The following CCNE1 variants were observed in gnomAD, a reference collection of about 807,000 sequenced individuals.
CCNE1 encodes cyclin E1.
Under a neutral mutation model 54.1 loss-of-function variants are expected in CCNE1, and 8 were observed. The observed-to-expected ratio is 0.15, with a 90% CI of 0.09 to 0.27. The LOEUF is 0.27. Among genes scored for constraint, CCNE1 ranks in the 10% least tolerant of loss-of-function variants. The pLI is 1.00. For synonymous variants in CCNE1, 179 were observed against 185.2 expected, an observed-to-expected ratio of 0.97 and a Z score of 0.27; for missense variants, 430 against 514.9, an observed-to-expected ratio of 0.84 and a Z score of 1.60.
chr19:29,823,716 G>A lies in CCNE1; in HGVS notation c.1172G>A (p.Ser391Asn), dbSNP rs184647504. The change falls in exon 12 of 12, where the codon AGT (serine) becomes AAT (asparagine). Residue 391 changes from serine (S) to asparagine (N), a missense_variant. Ser to Asn is a conservative substitution (Grantham distance 46). Around this residue, in one of 2 missense-constraint regions of CCNE1, gnomAD observed 303 missense variants for 401.1 expected, o/e 0.76. Coordinates refer to ENST00000262643, the MANE Select transcript of CCNE1 (RefSeq NM_001238.4). The stretch of plus-strand genomic sequence containing the variant: ...CAAAATAGGGCTTCTCCTCTCCCCA[G>A]TGGGCTCCTCACCCCGCCACAGAGC... Reference protein sequence around the residue: ...SEQNRASPLPSGLLTPPQSGK... With the variant: ...SEQNRASPLPNGLLTPPQSGK... 1.2e-6 allele frequency: 2 copies of A among 1,614,146 alleles called. No homozygotes were observed. The highest frequency in any genetic ancestry group is 1.7e-6 in the Non-Finnish European group (2 of 1,179,990).
chr19:29,816,885 A>T (rs2145721185), intron 4 of CCNE1, among the ~76,000 whole-genome samples: 1 of 132,320 alleles, frequency 7.6e-6, no homozygotes, highest in South Asian at 2.3e-4. Flanking sequence ...ATACTAATGA[A>T]TGTGAAGTGC....
In CCNE1 at chr19:29,813,010, G is replaced by A. The variant is rs541917576; in HGVS notation, c.153G>A (p.Arg51=). 6.2e-7 allele frequency: 1 copy of A among 1,614,198 alleles called. No individual in the cohort carries two copies. The highest frequency in any genetic ancestry group is 1.3e-5 in the African/African-American group (1 of 75,054). ...DPDEEMAKID[R]TARDQCGSQP... ...ATGAAGAAATGGCCAAAATCGACAGGACGGCGAGGGACCAGTGTGGGAGCC... is the reference window on the plus strand; with the variant it reads ...ATGAAGAAATGGCCAAAATCGACAGAACGGCGAGGGACCAGTGTGGGAGCC... The change falls in exon 4 of 12, where the codon AGG becomes AGA. Residue 51 remains arginine (R), a synonymous_variant. Coordinates refer to ENST00000262643, the MANE Select transcript of CCNE1 (RefSeq NM_001238.4).
At chr19:29,816,607 C>G (rs574936946) in intron 4 of CCNE1, among the ~76,000 whole-genome samples, 1 of 152,320 alleles carries the variant, frequency 6.6e-6, no homozygotes, top group South Asian at 2.1e-4. Flanking sequence ...ACATATTTGG[C>G]TAGTCCTGCA....
chr19:29,812,476 G>A, intron 1 of CCNE1, 56 bp from the exon 2 acceptor site: 3 of 1,162,912 alleles, frequency 2.6e-6, no homozygotes, highest in Non-Finnish European at 3.2e-6. Context: ...AAGGGGGAAG[G>A]GGTACTGGGC....
chr19:29,813,088 C>G (rs1247595177), intron 4 of CCNE1, 51 bp downstream of exon 4: 1 of 1,516,354 alleles, frequency 6.6e-7, no homozygotes, highest in East Asian at 2.3e-5. Flanking sequence ...CCCCCTGGGT[C>G]ACATGGGGTT....
intron 11 of CCNE1, among the ~76,000 whole-genome samples, chr19:29,822,930 C>T (rs1417653860): frequency 2.8e-5 from 4 of 142,634 alleles, no homozygotes; most frequent in East Asian, 2.3e-4. Context: ...GGCAACAGAG[C>T]GAAACTATGT....
intron 4 of CCNE1, 158 bp downstream of exon 4, chr19:29,813,195 G>A: frequency 1.6e-6 from 1 of 638,038 alleles, no homozygotes; most frequent in South Asian, 1.9e-5. Flanking sequence ...CCTGTCAGTG[G>A]GCACTGGCCT....
Position 29,822,069 on chromosome 19 carries a change from A to G in CCNE1, c.779A>G (p.Asn260Ser). Residue 260 changes from asparagine to serine, a missense_variant, in exon 9 of 12, where the codon AAT becomes AGT. By Grantham distance (46) the Asn-to-Ser change is conservative (BLOSUM62 1). Transcript: ENST00000262643. ...LNVYMQVAYL[N>S]DLHEVLLPQY... ...GTATACATGCAGGTTGCATATCTAA[A>G]TGACTTACATGAAGTGCTACTGCCG... 1.2e-6 allele frequency: 2 copies of G among 1,614,114 alleles called. No individual in the cohort carries two copies. The highest frequency in any genetic ancestry group is 1.7e-6 in the Non-Finnish European group (2 of 1,179,964).
chr19:29,821,088 A>T (rs187640507), intron 7 of CCNE1, among the ~76,000 whole-genome samples: 1 of 152,308 alleles, frequency 6.6e-6, no homozygotes, highest in African/African-American at 2.4e-5. Context: ...AAAAAAAAAA[A>T]TGAACTTTGA....
At position 29,812,589 on chromosome 19, in the gene CCNE1, G is replaced by T; in HGVS notation, c.23+11G>T. ...GGAGCGCAGGGAGCGGTGAGTGCCC[G>T]CGCCGCGGGGCCGGACGGGACGGGA... On this transcript the variant is annotated intron_variant, in intron 2 of 11. Coordinates refer to ENST00000262643, the MANE Select transcript of CCNE1 (RefSeq NM_001238.4). The T allele has an allele frequency of 6.6e-7, 1 of 1,525,568 alleles. No homozygotes were observed. The highest frequency in any genetic ancestry group is 8.8e-7 in the Non-Finnish European group (1 of 1,138,938). 94.5% of individuals were successfully genotyped at this position (1,525,568 alleles called of 1,614,324 possible). A position where few individuals can be genotyped will look rare whatever the true frequency, so the allele number is the denominator to read the frequency against.
Position 29,812,752 on chromosome 19 carries a change from G to A in CCNE1, c.87G>A (p.Arg29=), listed in dbSNP as rs775840112. 1.9e-6 allele frequency: 3 copies of A among 1,593,850 alleles called. No homozygotes were observed. In the African/African-American group the frequency reaches 4.0e-5, roughly 21 times the overall value. ...GCGCGGAGTTCTCGGCTCGCTCCAG[G>A]AAGAGGAAGGCAAACGTGACCGTTG... ...DGGAEFSARS[R]KRKANVTVFL... is the part of the protein sequence containing the mutation. The change falls in exon 3 of 12, where the codon AGG becomes AGA. Residue 29 remains arginine, a synonymous_variant. Coordinates refer to ENST00000262643, the MANE Select transcript of CCNE1 (RefSeq NM_001238.4).
chr19:29,821,846 T>G, intron 8 of CCNE1, 29 bp downstream of exon 8: 1 of 1,560,608 alleles, frequency 6.4e-7, no homozygotes, highest in Non-Finnish European at 8.8e-7. Flanking sequence ...TCCGGCCATT[T>G]TTTAAATGCG....
At chr19:29,819,185 A>G (rs535294042) in intron 6 of CCNE1, among the ~76,000 whole-genome samples, 3 of 152,122 alleles carry the variant, frequency 2.0e-5, no homozygotes, top group African/African-American at 7.2e-5. Context: ...TGGAGCTTGC[A>G]GTGAGCTGTG....
At chr19:29,823,267 G>C (rs1202039419) in intron 11 of CCNE1, among the ~76,000 whole-genome samples, 1 of 152,152 alleles carries the variant, frequency 6.6e-6, no homozygotes, top group Non-Finnish European at 1.5e-5. Flanking sequence ...AAACTAGCCA[G>C]GCATGGTGGC....
chr19:29,817,125 T>C lies in CCNE1; in HGVS notation c.181-12T>C. On this transcript the variant is annotated splice_polypyrimidine_tract_variant and intron_variant, in intron 4 of 11. Coordinates refer to ENST00000262643, the MANE Select transcript of CCNE1 (RefSeq NM_001238.4). ...TCTTATCTCACCTCTCCTGTGTATTTTTCATTTACAGCCTTGGGACAATAA... is the reference window on the plus strand; with the variant it reads ...TCTTATCTCACCTCTCCTGTGTATTCTTCATTTACAGCCTTGGGACAATAA... 6.2e-7 allele frequency: 1 copy of C among 1,613,236 alleles called. No individual in the cohort carries two copies. Among genetic ancestry groups the C allele is most frequent in the Non-Finnish European group, 8.5e-7 (1 of 1,179,550 alleles).
intron 4 of CCNE1, among the ~76,000 whole-genome samples, chr19:29,815,709 A>C (rs940711937): frequency 6.7e-6 from 1 of 149,178 alleles, no homozygotes; most frequent in African/African-American, 2.5e-5. Context: ...GCTCCCTGCA[A>C]CCTCCGCCTC....
rs998974050 is a variant in CCNE1 at position 29,812,076 on chromosome 19, GCGCCGCCGCCGCCACTGCCGT to G, written c.-87_-67del. 0.013 allele frequency: 1,924 copies of G among 148,566 alleles called. 104 individuals are homozygous for G. In the East Asian group the frequency reaches 0.13, roughly 10 times the overall value. The allele number at this position is 148,566 out of a possible 1,614,324, so 9.2% of individuals were successfully genotyped here. A position where few individuals can be genotyped will look rare whatever the true frequency, so the allele number is the denominator to read the frequency against. Reference sequence around the variant, plus strand: ...CGCGCGCTCGGCCCGCCGACTCCCGGCGCCGCCGCCGCCACTGCCGTCGCCGCCGCCGCCTGCCGGGACTGG... The same window carrying G: ...CGCGCGCTCGGCCCGCCGACTCCCGGCGCCGCCGCCGCCTGCCGGGACTGG... On this transcript the variant is annotated 5_prime_UTR_variant, in exon 1 of 12. Coordinates refer to ENST00000262643, the MANE Select transcript of CCNE1 (RefSeq NM_001238.4).
chr19:29,823,094 A>C (rs560879752), intron 11 of CCNE1, among the ~76,000 whole-genome samples: 1 of 152,094 alleles, frequency 6.6e-6, no homozygotes, highest in Non-Finnish European at 1.5e-5. Context: ...TAGAGTTTTA[A>C]AGTGCTCTTT....
chr19:29,812,601 CGGACG>C lies in CCNE1; in HGVS notation c.23+46_23+50del, dbSNP rs567572959. On this transcript the variant is annotated intron_variant, in intron 2 of 11. Transcript: ENST00000262643. ...GCGGTGAGTGCCCGCGCCGCGGGGC[CGGACG>C]GGACGGGACGGGACGGGACGGGTGG... The C allele has an allele frequency of 4.7e-4, 716 of 1,533,040 alleles. 1 individual carries two copies. The highest frequency in any genetic ancestry group is 1.3e-3 in the Middle Eastern group (6 of 4,468). 95.0% of individuals were successfully genotyped at this position (1,533,040 alleles called of 1,614,324 possible).
Sources: allele counts gnomAD v4.1 joint callset (sites outside exome capture counted in the v4.1 genomes callset), GRCh38; gene constraint gnomAD v4.1.1; regional missense constraint gnomAD v4.1.1; transcripts MANE v1.5; gene names NCBI Gene and HGNC (gene_info 2026-07-23, HGNC 2026-07-21).